The following DOCK2 variants were observed in gnomAD, a reference collection of about 807,000 sequenced individuals.
DOCK2 encodes the protein dedicator of cytokinesis protein 2.
A neutral mutation model predicts 248.9 loss-of-function variants in DOCK2; 87 were observed. The observed-to-expected ratio is 0.35, with a 90% CI of 0.29 to 0.42. The LOEUF (loss-of-function observed/expected upper bound fraction) is 0.42, where lower values mean the gene tolerates loss of function less well. DOCK2 is among the 10% of genes least tolerant of loss of function. The probability of loss-of-function intolerance (pLI) is 1.00; values close to 1 mark genes in which losing one functional copy is unlikely to be tolerated. For synonymous variants in DOCK2, 805 were observed against 821.6 expected, an observed-to-expected ratio of 0.98 and a Z score of 0.35; for missense variants, 1,747 against 2,300.2, an observed-to-expected ratio of 0.76 and a Z score of 4.92.
chr5:169,943,111 A>C (rs1776306073), intron 27 of DOCK2, among the ~76,000 whole-genome samples: 2 of 152,186 alleles, frequency 1.3e-5, no homozygotes, highest in African/African-American at 4.8e-5. Flanking sequence ...ATTCAATGGA[A>C]ATATCATTGA....
intron 22 of DOCK2, among the ~76,000 whole-genome samples, chr5:169,743,418 C>A (rs1763432982): frequency 6.6e-6 from 1 of 152,166 alleles, no homozygotes; most frequent in African/African-American, 2.4e-5. Context: ...ACAAAATATT[C>A]CTCTTATGCT....
chr5:169,846,553 G>C (rs30080), intron 27 of DOCK2, among the ~76,000 whole-genome samples: 103,582 of 151,778 alleles, frequency 0.68, 36,565 homozygotes, highest in African/African-American at 0.88. Flanking sequence ...AGCTTTTGTG[G>C]TGAGAAAGGG....
chr5:169,786,969 T>C (rs1766022686), intron 25 of DOCK2, among the ~76,000 whole-genome samples: 1 of 152,214 alleles, frequency 6.6e-6, no homozygotes, highest in Non-Finnish European at 1.5e-5. Context: ...TAAATAACAG[T>C]AGCTTATACT....
chr5:169,882,976 G>A, intron 27 of DOCK2: 1 of 1,551,742 alleles, frequency 6.4e-7, no homozygotes, highest in Non-Finnish European at 8.7e-7. Flanking sequence ...GGAACTGTGA[G>A]TCCGTGGAGA....
intron 27 of DOCK2, among the ~76,000 whole-genome samples, chr5:169,926,928 AG>A (rs1188849018): frequency 6.6e-6 from 1 of 152,250 alleles, no homozygotes; most frequent in African/African-American, 2.4e-5. Flanking sequence ...GGAGCAGAAT[AG>A]GGAAGAACTA....
At chr5:169,713,934 C>T (rs1761729131) in intron 17 of DOCK2, 94 bp from the exon 18 acceptor site, 9 of 1,386,166 alleles carry the variant, frequency 6.5e-6, no homozygotes, top group Admixed American at 2.4e-5. Context: ...TATGACTCTC[C>T]CCACTTCACA....
intron 42 of DOCK2, chr5:170,056,369 C>A: frequency 4.2e-6 from 1 of 239,918 alleles, no homozygotes; most frequent in Non-Finnish European, 8.0e-6. Flanking sequence ...ACCTCAGCTC[C>A]TTTGTTGCAG....
intron 27 of DOCK2, among the ~76,000 whole-genome samples, chr5:169,915,985 C>G (rs1197552186): frequency 1.3e-5 from 2 of 152,190 alleles, no homozygotes; most frequent in Non-Finnish European, 2.9e-5. Flanking sequence ...ACATGTCACA[C>G]TAGACCAGAA....
At chr5:170,011,518 A>C (rs1325259379) in intron 32 of DOCK2, among the ~76,000 whole-genome samples, 1 of 152,064 alleles carries the variant, frequency 6.6e-6, no homozygotes, top group Non-Finnish European at 1.5e-5. Context: ...CAGCTGCCTT[A>C]ATCAGAGAAG....
intron 27 of DOCK2, among the ~76,000 whole-genome samples, chr5:169,954,687 C>T (rs1179049813): frequency 6.6e-5 from 10 of 152,210 alleles, no homozygotes; most frequent in East Asian, 1.9e-4. Context: ...ATCCTGGGCC[C>T]TTTCAAACTT....
At chr5:170,057,693 C>T (rs777268999) in intron 44 of DOCK2, 27 bp downstream of exon 44, 1 of 1,576,108 alleles carries the variant, frequency 6.3e-7, no homozygotes, top group Admixed American at 1.8e-5. Context: ...CGTGGCAGGG[C>T]CACCCTTCCT....
intron 34 of DOCK2, among the ~76,000 whole-genome samples, chr5:170,033,979 C>T (rs769296792): frequency 6.6e-6 from 1 of 152,154 alleles, no homozygotes; most frequent in Non-Finnish European, 1.5e-5. Flanking sequence ...CTATTAGACA[C>T]ATTTGTGAGT....
At chr5:169,659,427 A>G (rs1758320948) in intron 2 of DOCK2, among the ~76,000 whole-genome samples, 2 of 152,112 alleles carry the variant, frequency 1.3e-5, no homozygotes, top group Admixed American at 6.5e-5. Context: ...CTCCCCTATT[A>G]TGTAGTGCTG....
intron 25 of DOCK2, among the ~76,000 whole-genome samples, chr5:169,765,100 A>ACACC (rs1554098299): frequency 6.6e-6 from 1 of 151,576 alleles, no homozygotes; most frequent in Non-Finnish European, 1.5e-5. Context: ...ACACACACAC[A>ACACC]CACCCCACAC....
At chr5:169,856,712 G>A (rs1370537632) in intron 27 of DOCK2, among the ~76,000 whole-genome samples, 1 of 152,140 alleles carries the variant, frequency 6.6e-6, no homozygotes, top group Non-Finnish European at 1.5e-5. Flanking sequence ...AATTTCATCG[G>A]GCTTGGTGTG....
intron 22 of DOCK2, among the ~76,000 whole-genome samples, chr5:169,730,670 A>G (rs376383477): frequency 4.6e-5 from 7 of 152,162 alleles, no homozygotes; most frequent in Admixed American, 3.3e-4. Flanking sequence ...ATCATGCTAG[A>G]TGGAGGATGG....
chr5:169,894,459 G>A (rs17670285), intron 27 of DOCK2, among the ~76,000 whole-genome samples: 14,216 of 152,204 alleles, frequency 0.093, 891 homozygotes, highest in Admixed American at 0.17. Context: ...TCTGCAGTGC[G>A]CCATCCACCC....
At chr5:169,855,033 A>G (rs261041) in intron 27 of DOCK2, among the ~76,000 whole-genome samples, 51,519 of 152,088 alleles carry the variant, frequency 0.34, 9,636 homozygotes, top group East Asian at 0.68. Flanking sequence ...CCAGGCTCCC[A>G]AGCTTGGCAG....
chr5:169,688,925 A>G (rs569084862), intron 8 of DOCK2, among the ~76,000 whole-genome samples: 27 of 152,320 alleles, frequency 1.8e-4, no homozygotes, highest in African/African-American at 5.8e-4. Context: ...TTCCCCTCTC[A>G]TCTCTGCCAT....
Sources: allele counts gnomAD v4.1 joint callset (sites outside exome capture counted in the v4.1 genomes callset), GRCh38; gene constraint gnomAD v4.1.1; transcripts MANE v1.5; gene names NCBI Gene and HGNC (gene_info 2026-07-23, HGNC 2026-07-21).